The following MAP4K5 variants were observed in gnomAD, a reference collection of about 807,000 sequenced individuals.
The protein encoded by MAP4K5 is MAPK/ERK kinase kinase kinase 5.
Under a neutral mutation model 135.6 loss-of-function variants are expected in MAP4K5, and 82 were observed. The observed-to-expected ratio is 0.60, with a 90% CI of 0.51 to 0.73. MAP4K5 has a LOEUF of 0.73. Ranked by LOEUF, MAP4K5 falls within the 30% of genes least tolerant of loss-of-function variation. The pLI, the probability that MAP4K5 is intolerant of heterozygous loss-of-function variation, is 0.00. For missense variants in MAP4K5, 907 were observed against 1,010.9 expected, an observed-to-expected ratio of 0.90 and a Z score of 1.39; for synonymous variants, 347 against 335.0, an observed-to-expected ratio of 1.04 and a Z score of -0.39.
chr14:50,549,042 G>A (rs1481857223), intron 1 of MAP4K5, among the ~76,000 whole-genome samples: 1 of 152,058 alleles, frequency 6.6e-6, no homozygotes, highest in Non-Finnish European at 1.5e-5. Context: ...ACAACAAAGG[G>A]GTGCCCTGTG....
intron 16 of MAP4K5, among the ~76,000 whole-genome samples, chr14:50,447,133 G>A (rs1317379232): frequency 6.6e-6 from 1 of 151,940 alleles, no homozygotes; most frequent in African/African-American, 2.4e-5. Context: ...GATGAACTGG[G>A]GCTTTTTAAC....
At chr14:50,441,131 G>C (rs1037747826) in intron 21 of MAP4K5, among the ~76,000 whole-genome samples, 2 of 152,164 alleles carry the variant, frequency 1.3e-5, no homozygotes, top group Admixed American at 1.3e-4. Context: ...GAATGAATAA[G>C]TGGGAAAGAA....
chr14:50,476,934 T>A (rs917328184), intron 6 of MAP4K5, among the ~76,000 whole-genome samples: 5 of 152,218 alleles, frequency 3.3e-5, no homozygotes, highest in African/African-American at 1.2e-4. Context: ...GGCACTATAG[T>A]TCAGGTTTTC....
chr14:50,514,908 T>A (rs1595535361), intron 2 of MAP4K5, among the ~76,000 whole-genome samples: 1 of 40 alleles, frequency 0.025, no homozygotes, highest in Non-Finnish European at 0.25. Context: ...ATCCTTATTC[T>A]TTTTTTTTTT....
At chr14:50,491,589 A>G (rs2037484896) in intron 3 of MAP4K5, among the ~76,000 whole-genome samples, 1 of 152,106 alleles carries the variant, frequency 6.6e-6, no homozygotes, top group Admixed American at 6.5e-5. Context: ...GAGCCACAGC[A>G]CGCAGCTTAT....
At chr14:50,433,960 C>T (rs896582299) in intron 28 of MAP4K5, among the ~76,000 whole-genome samples, 1 of 152,106 alleles carries the variant, frequency 6.6e-6, no homozygotes, top group Admixed American at 6.6e-5. Context: ...TGGAAAGGCT[C>T]GGAAGCAACA....
At position 50,523,646 on chromosome 14, in the gene MAP4K5, C is replaced by A. The variant is rs375811182; in HGVS notation, c.108+8296G>T. The stretch of plus-strand genomic sequence containing the variant: ...TTCCTGATCCTCCTTAACCATTCAA[C>A]CTTTTCTTCTTTCTATACCTTTAAT... On this transcript the variant is annotated intron_variant, in intron 2 of 32. Coordinates refer to ENST00000682126, the MANE Select transcript of MAP4K5 (RefSeq NM_006575.6). Among the ~76,000 whole-genome samples the A allele has an allele frequency of 9.2e-5, 14 of 152,264 alleles. No homozygotes were observed. In the East Asian group the frequency reaches 9.6e-4, roughly 10 times the overall value.
chr14:50,441,743 TACACACACACACACACACACACAC>T (rs57651486), intron 21 of MAP4K5, among the ~76,000 whole-genome samples: 38 of 141,632 alleles, frequency 2.7e-4, no homozygotes, highest in Admixed American at 5.1e-4. Context: ...AATTATTTTA[TACACACACACACACACACACACAC>T]ACACACACAC....
chr14:50,429,918 A>T (rs2035932552), intron 28 of MAP4K5, among the ~76,000 whole-genome samples: 1 of 152,214 alleles, frequency 6.6e-6, no homozygotes, highest in Admixed American at 6.5e-5. Context: ...TTTTTTTGAT[A>T]AAACAATGCA....
At chr14:50,505,684 T>C (rs1595524204) in intron 2 of MAP4K5, among the ~76,000 whole-genome samples, 1 of 152,304 alleles carries the variant, frequency 6.6e-6, no homozygotes, top group East Asian at 1.9e-4. Flanking sequence ...TATGTTGCCA[T>C]ATTGCTCTAA....
chr14:50,451,599 G>T (rs1332681718), intron 14 of MAP4K5, among the ~76,000 whole-genome samples: 1 of 151,564 alleles, frequency 6.6e-6, no homozygotes, highest in Non-Finnish European at 1.5e-5. Flanking sequence ...TTGATGTCAT[G>T]AATTGGGTTA....
chr14:50,483,725 CAAAA>C (rs59754773), intron 5 of MAP4K5, among the ~76,000 whole-genome samples: 2 of 58,650 alleles, frequency 3.4e-5, no homozygotes. Context: ...TTAAAAGTTG[CAAAA>C]AAAAAAAAAA....
At chr14:50,560,420 G>T (rs566356232) in intron 1 of MAP4K5, 4 of 1,331,218 alleles carry the variant, frequency 3.0e-6, no homozygotes, top group Admixed American at 2.0e-5. Flanking sequence ...GCTGGGAGAC[G>T]GGCCGTAGCC....
intron 2 of MAP4K5, among the ~76,000 whole-genome samples, chr14:50,506,552 TTC>T (rs1397281241): frequency 1.3e-5 from 2 of 152,088 alleles, no homozygotes; most frequent in Admixed American, 1.3e-4. Context: ...AGAGACGGGT[TTC>T]GCCATGTTGC....
chr14:50,552,265 G>T (rs1436202500), intron 1 of MAP4K5, among the ~76,000 whole-genome samples: 1 of 141,734 alleles, frequency 7.1e-6, no homozygotes, highest in Non-Finnish European at 1.6e-5. Context: ...TACAACAGCT[G>T]CAAAAAAAAA....
chr14:50,510,812 G>A (rs1764150880), intron 2 of MAP4K5, among the ~76,000 whole-genome samples: 2 of 152,164 alleles, frequency 1.3e-5, no homozygotes, highest in South Asian at 4.1e-4. Flanking sequence ...TAATGGTTTA[G>A]AGTATATCCT....
At chr14:50,537,657 A>G (rs1475080759) in intron 2 of MAP4K5, among the ~76,000 whole-genome samples, 1 of 152,220 alleles carries the variant, frequency 6.6e-6, no homozygotes, top group African/African-American at 2.4e-5. Context: ...ATGGGAACCA[A>G]CCTCTTGCAT....
At chr14:50,461,893 T>C (rs1595467181) in intron 13 of MAP4K5, among the ~76,000 whole-genome samples, 1 of 150,448 alleles carries the variant, frequency 6.6e-6, no homozygotes, top group East Asian at 1.9e-4. Flanking sequence ...CACTCCAACC[T>C]GGCGACAGAG....
chr14:50,422,186 C>G lies in MAP4K5; in HGVS notation c.2453+935G>C, dbSNP rs1176012371. Among the ~76,000 whole-genome samples, 3 of 152,188 alleles carry G rather than the reference C, an allele frequency of 2.0e-5. No homozygotes were observed. In the East Asian group the frequency reaches 5.8e-4, roughly 29 times the overall value. On this transcript the variant is annotated intron_variant, in intron 32 of 32. Coordinates refer to ENST00000682126, the MANE Select transcript of MAP4K5 (RefSeq NM_006575.6). ...CAGCCCTTCCTGGAGAAGCAAAGAG[C>G]CTCTCATTTTAGTTCTAGAGTCATT... is the stretch of plus-strand genomic sequence containing the variant.
Sources: gnomAD v4.1 joint callset for allele counts (sites outside exome capture counted in the v4.1 genomes callset) on GRCh38, gnomAD v4.1.1 for gene constraint, MANE v1.5 for transcripts, NCBI Gene and HGNC (gene_info 2026-07-23, HGNC 2026-07-21) for gene names.